The following NDUFAF2 variants were observed in gnomAD, a reference collection of about 807,000 sequenced individuals.
NDUFAF2 encodes NADH:ubiquinone oxidoreductase complex assembly factor 2.
NDUFAF2 carries 13 observed loss-of-function variants against 22.8 expected under a neutral mutation model. The observed-to-expected ratio is 0.57, with a 90% CI of 0.37 to 0.91. The LOEUF is 0.91. Among genes scored for constraint, NDUFAF2 ranks in the 40% least tolerant of loss-of-function variants. The pLI is 0.01. For missense variants in NDUFAF2, 162 were observed against 195.2 expected (o/e 0.83, Z 1.01); for synonymous variants, 53 against 64.2 (o/e 0.83, Z 0.84).
intron 1 of NDUFAF2, among the ~76,000 whole-genome samples, chr5:61,050,202 G>C (rs927128973): frequency 6.6e-6 from 1 of 151,794 alleles, no homozygotes; most frequent in African/African-American, 2.4e-5. Flanking sequence ...AGTGCACAAG[G>C]GTTCCAGTTT....
chr5:61,120,801 A>G (rs1752966018), intron 3 of NDUFAF2, among the ~76,000 whole-genome samples: 1 of 152,098 alleles, frequency 6.6e-6, no homozygotes, highest in South Asian at 2.1e-4. Flanking sequence ...TCCAGAGTGA[A>G]AAGGGGTTAA....
intron 1 of NDUFAF2, among the ~76,000 whole-genome samples, chr5:61,025,751 C>T (rs1478727119): frequency 6.6e-6 from 1 of 151,856 alleles, no homozygotes; most frequent in African/African-American, 2.4e-5. Flanking sequence ...ATATAGAAAA[C>T]ACTAATTTTA....
chr5:61,026,965 T>C (rs1029487022), intron 1 of NDUFAF2, among the ~76,000 whole-genome samples: 9 of 151,854 alleles, frequency 5.9e-5, no homozygotes. Flanking sequence ...GTGTGTACTT[T>C]TAACCATAAC....
intron 1 of NDUFAF2, among the ~76,000 whole-genome samples, chr5:60,971,144 GT>G (rs113992508): frequency 3.2e-4 from 48 of 147,726 alleles, no homozygotes; most frequent in African/African-American, 1.2e-3. Context: ...TTCTTTTTTC[GT>G]TTTTTTTTTA....
At chr5:61,081,589 T>C (rs1752443188) in intron 2 of NDUFAF2, among the ~76,000 whole-genome samples, 1 of 152,200 alleles carries the variant, frequency 6.6e-6, no homozygotes. Context: ...TACTAAGTTA[T>C]ATAATATGAA....
intron 3 of NDUFAF2, among the ~76,000 whole-genome samples, chr5:61,128,900 A>T (rs139321502): frequency 0.52 from 78,675 of 151,290 alleles, 21,652 homozygotes; most frequent in East Asian, 0.91. Flanking sequence ...AATCTACTCA[A>T]CTGACAAAGG....
At chr5:61,017,365 T>A (rs1362025329) in intron 1 of NDUFAF2, among the ~76,000 whole-genome samples, 1 of 144,130 alleles carries the variant, frequency 6.9e-6, no homozygotes, top group East Asian at 2.2e-4. Context: ...AATAGATTAT[T>A]GATTCGGGTT....
At chr5:60,981,415 G>A (rs894730390) in intron 1 of NDUFAF2, among the ~76,000 whole-genome samples, 1 of 152,154 alleles carries the variant, frequency 6.6e-6, no homozygotes, top group Non-Finnish European at 1.5e-5. Context: ...CAGACCTGTT[G>A]TATGAAAAAT....
At chr5:61,015,066 TC>T (rs1460786853) in intron 1 of NDUFAF2, among the ~76,000 whole-genome samples, 1 of 152,140 alleles carries the variant, frequency 6.6e-6, no homozygotes, top group East Asian at 1.9e-4. Flanking sequence ...TAAATTGAAG[TC>T]AAAGAACTAT....
intron 3 of NDUFAF2, among the ~76,000 whole-genome samples, chr5:61,150,882 T>C (rs571364206): frequency 6.6e-6 from 1 of 152,300 alleles, no homozygotes; most frequent in South Asian, 2.1e-4. Context: ...CATCACCTTA[T>C]ATAAGAATTC....
intron 1 of NDUFAF2, among the ~76,000 whole-genome samples, chr5:61,059,258 G>T (rs1752135140): frequency 6.6e-6 from 1 of 152,062 alleles, no homozygotes; most frequent in Non-Finnish European, 1.5e-5. Context: ...GAACTTTGAA[G>T]TTTTGTTTGA....
chr5:60,958,687 G>T (rs1481085973), intron 1 of NDUFAF2, among the ~76,000 whole-genome samples: 2 of 152,060 alleles, frequency 1.3e-5, no homozygotes, highest in African/African-American at 4.8e-5. Context: ...GAGGCATAAA[G>T]ACAAAAACAA....
At chr5:61,064,874 A>T (rs1019095106) in intron 1 of NDUFAF2, among the ~76,000 whole-genome samples, 14 of 152,002 alleles carry the variant, frequency 9.2e-5, no homozygotes, top group African/African-American at 3.1e-4. Context: ...AAATAATAAG[A>T]TTCAGAACAG....
intron 2 of NDUFAF2, among the ~76,000 whole-genome samples, chr5:61,097,916 T>C (rs1396186979): frequency 6.6e-6 from 1 of 152,204 alleles, no homozygotes; most frequent in Admixed American, 6.5e-5. Context: ...TTTATTTCTA[T>C]TTCTTCAATT....
intron 1 of NDUFAF2, among the ~76,000 whole-genome samples, chr5:60,963,190 G>A (rs1750714092): frequency 6.6e-6 from 1 of 152,082 alleles, no homozygotes; most frequent in Non-Finnish European, 1.5e-5. Flanking sequence ...AGCCAAGATT[G>A]CCTTTTAAAG....
At chr5:60,991,624 A>G (rs899685493) in intron 1 of NDUFAF2, among the ~76,000 whole-genome samples, 1 of 152,194 alleles carries the variant, frequency 6.6e-6, no homozygotes, top group African/African-American at 2.4e-5. Flanking sequence ...TGTTGTTGCA[A>G]ATGACAGTAT....
At chr5:61,062,431 G>A (rs1025860039) in intron 1 of NDUFAF2, among the ~76,000 whole-genome samples, 10 of 152,066 alleles carry the variant, frequency 6.6e-5, no homozygotes, top group South Asian at 4.2e-4. Flanking sequence ...TACAATTGTC[G>A]GCTTCAACAG....
chr5:60,967,791 G>A (rs541756551), intron 1 of NDUFAF2, among the ~76,000 whole-genome samples: 10 of 150,842 alleles, frequency 6.6e-5, no homozygotes, highest in Non-Finnish European at 3.0e-5. Flanking sequence ...AGGAATATTG[G>A]CATATAATTT....
intron 3 of NDUFAF2, among the ~76,000 whole-genome samples, chr5:61,144,454 G>A (rs1288561288): frequency 2.0e-5 from 3 of 152,172 alleles, no homozygotes; most frequent in South Asian, 4.1e-4. Context: ...TTCTTGTTAA[G>A]TATATGTATA....
Sources: allele counts gnomAD v4.1 joint callset (sites outside exome capture counted in the v4.1 genomes callset), GRCh38; gene constraint gnomAD v4.1.1; transcripts MANE v1.5; gene names NCBI Gene and HGNC (gene_info 2026-07-23, HGNC 2026-07-21).